IGFL2: variants seen among roughly 807,000 people sequenced by gnomAD.
The protein encoded by IGFL2 is insulin growth factor-like family member 2.
In IGFL2, 7 loss-of-function variants were observed where a neutral mutation model predicts 13.9. The observed-to-expected ratio is 0.51, with a 90% CI of 0.29 to 0.95. The LOEUF (loss-of-function observed/expected upper bound fraction) is 0.95, where lower values mean the gene tolerates loss of function less well. IGFL2 is among the 40% of genes least tolerant of loss of function. IGFL2 has a pLI of 0.08. For synonymous variants in IGFL2, 55 were observed against 55.8 expected, an observed-to-expected ratio of 0.99 and a Z score of 0.07; for missense variants, 138 against 147.8, an observed-to-expected ratio of 0.93 and a Z score of 0.34.
chr19:46,199,851 A>G, the IGFL2 span, among the ~76,000 whole-genome samples: 9 of 152,338 alleles, frequency 5.9e-5, no homozygotes, highest in African/African-American at 2.2e-4. Flanking sequence ...AAGCCAGGCC[A>G]TGCCTGCACC....
chr19:46,165,939 G>A (rs1053023112), downstream of IGFL2, among the ~76,000 whole-genome samples: 1 of 152,244 alleles, frequency 6.6e-6, no homozygotes, highest in Non-Finnish European at 1.5e-5. Flanking sequence ...CCCCTTTGGG[G>A]AGGCTGACAT....
the IGFL2 span, among the ~76,000 whole-genome samples, chr19:46,191,285 T>G: frequency 6.6e-6 from 1 of 151,874 alleles, no homozygotes; most frequent in African/African-American, 2.4e-5. Context: ...GAAAAGAGAC[T>G]GATTTGGGGT....
the IGFL2 span, chr19:46,124,702 T>A: frequency 6.6e-7 from 1 of 1,505,924 alleles, no homozygotes; most frequent in Non-Finnish European, 9.2e-7. Context: ...AGGCTGGAAC[T>A]TATGGAGACA....
At chr19:46,140,030 A>G (rs867996141), upstream of IGFL2, among the ~76,000 whole-genome samples, 5 of 151,838 alleles carry the variant, frequency 3.3e-5, no homozygotes, top group African/African-American at 4.8e-5. Context: ...GCTCATTGCA[A>G]CCTCCACCTC....
At chr19:46,124,991 C>T in the IGFL2 span, among the ~76,000 whole-genome samples, 36 of 141,268 alleles carry the variant, frequency 2.5e-4, no homozygotes, top group Admixed American at 2.1e-3. Context: ...TTTCAAGCTC[C>T]GACATTGAGG....
the IGFL2 span, among the ~76,000 whole-genome samples, chr19:46,185,377 G>A: frequency 6.6e-6 from 1 of 152,224 alleles, no homozygotes; most frequent in Non-Finnish European, 1.5e-5. Flanking sequence ...GCCACTGTGG[G>A]TGCTCAGAAT....
chr19:46,079,732 A>G, the IGFL2 span, among the ~76,000 whole-genome samples: 1 of 152,190 alleles, frequency 6.6e-6, no homozygotes, highest in African/African-American at 2.4e-5. Context: ...AGGGTTGTAA[A>G]TATCCAAAGC....
At chr19:46,212,109 T>A in the IGFL2 span, 1 of 152,170 alleles carries the variant, frequency 6.6e-6, no homozygotes, top group Non-Finnish European at 1.5e-5. Context: ...GTTTTCCATG[T>A]TATCAGCACG....
chr19:46,124,288 TGGA>T, the IGFL2 span: 67 of 1,610,832 alleles, frequency 4.2e-5, 6 homozygotes, highest in African/African-American at 8.3e-4. Flanking sequence ...TTTTGAACAC[TGGA>T]GGAGGAAGAC....
chr19:46,124,573 A>AG, the IGFL2 span: 1 of 1,527,624 alleles, frequency 6.5e-7, no homozygotes, highest in Non-Finnish European at 9.1e-7. Context: ...GAGGTTTGGG[A>AG]GCTGCACTGG....
chr19:46,099,112 T>C, the IGFL2 span, among the ~76,000 whole-genome samples: 1 of 152,218 alleles, frequency 6.6e-6, no homozygotes, highest in Non-Finnish European at 1.5e-5. Context: ...AAATTCTGGG[T>C]TGGAAATTAT....
chr19:46,212,731 C>CTCTG, the IGFL2 span: 1 of 152,010 alleles, frequency 6.6e-6, no homozygotes, highest in Non-Finnish European at 1.5e-5. Context: ...CTCTCTCTCT[C>CTCTG]TCTCTCCTCT....
the IGFL2 span, among the ~76,000 whole-genome samples, chr19:46,090,288 C>CT: frequency 6.6e-6 from 1 of 152,102 alleles, no homozygotes; most frequent in Non-Finnish European, 1.5e-5. Flanking sequence ...TCTGTATTTT[C>CT]TTTAAGTTTG....
At chr19:46,124,449 T>A in the IGFL2 span, 1 of 1,190,168 alleles carries the variant, frequency 8.4e-7, no homozygotes, top group Non-Finnish European at 1.2e-6. Context: ...GCTAAGTCTG[T>A]ATGGGATCCC....
At chr19:46,137,134 A>G in the IGFL2 span, 1 of 1,609,112 alleles carries the variant, frequency 6.2e-7, no homozygotes, top group Admixed American at 1.7e-5. Context: ...ATGTACAGGA[A>G]TGAAATGGGG....
the IGFL2 span, among the ~76,000 whole-genome samples, chr19:46,130,081 T>C: frequency 1.8e-5 from 1 of 56,486 alleles, no homozygotes; most frequent in Admixed American, 1.6e-4. Context: ...TAGTTAGGCC[T>C]TCTTGTTGAA....
chr19:46,131,889 ATAT>A, the IGFL2 span, among the ~76,000 whole-genome samples: 1 of 152,186 alleles, frequency 6.6e-6, no homozygotes, highest in Non-Finnish European at 1.5e-5. Flanking sequence ...CAGTGAGCCA[ATAT>A]TATGCTACTG....
the IGFL2 span, among the ~76,000 whole-genome samples, chr19:46,125,099 T>C: frequency 6.6e-6 from 1 of 152,220 alleles, no homozygotes; most frequent in African/African-American, 2.4e-5. Context: ...TTCTTCTATA[T>C]TCCCCAAGCA....
At chr19:46,109,688 T>C in the IGFL2 span, among the ~76,000 whole-genome samples, 1 of 152,032 alleles carries the variant, frequency 6.6e-6, no homozygotes, top group Non-Finnish European at 1.5e-5. Flanking sequence ...ATATTACAAA[T>C]TACCTTCTCA....
Sources: allele counts gnomAD v4.1 joint callset (sites outside exome capture counted in the v4.1 genomes callset), GRCh38; gene constraint gnomAD v4.1.1; transcripts MANE v1.5; gene names NCBI Gene and HGNC (gene_info 2026-07-23, HGNC 2026-07-21).